Variants in CTNNA3 observed in about 807,000 individuals in gnomAD.
CTNNA3 encodes the protein catenin alpha 3.
In CTNNA3, 76 loss-of-function variants were observed where a neutral mutation model predicts 95.7. That is an observed-to-expected ratio of 0.79 (90% CI 0.66 to 0.96). The LOEUF (loss-of-function observed/expected upper bound fraction) is 0.96. Ranked by LOEUF, CTNNA3 falls within the 40% of genes least tolerant of loss-of-function variation. The pLI, the probability that CTNNA3 is intolerant of heterozygous loss-of-function variation, is 0.00. For synonymous variants in CTNNA3, 431 were observed against 374.4 expected (o/e 1.15, Z -1.74); for missense variants, 1,191 against 1,089.8 (o/e 1.09, Z -1.31).
intron 2 of CTNNA3, among the ~76,000 whole-genome samples, chr10:67,609,220 A>G (rs1472951191): frequency 6.6e-6 from 1 of 152,176 alleles, no homozygotes; most frequent in Non-Finnish European, 1.5e-5. Context: ...AAGGAAAAAA[A>G]CAACTTGTAT....
chr10:66,547,083 A>G (rs1176779980), intron 10 of CTNNA3, among the ~76,000 whole-genome samples: 1 of 152,072 alleles, frequency 6.6e-6, no homozygotes, highest in Non-Finnish European at 1.5e-5. Context: ...CACTGATTGA[A>G]CAGCTACTCT....
chr10:67,295,012 G>A (rs1839979422), intron 5 of CTNNA3, among the ~76,000 whole-genome samples: 1 of 152,106 alleles, frequency 6.6e-6, no homozygotes, highest in Non-Finnish European at 1.5e-5. Flanking sequence ...TGAATTAAAT[G>A]CCTTCAACAA....
At chr10:66,755,373 GTGATAGTTGCACAA>G (rs986161524) in intron 9 of CTNNA3, among the ~76,000 whole-genome samples, 2 of 152,058 alleles carry the variant, frequency 1.3e-5, no homozygotes, top group Non-Finnish European at 2.9e-5. Context: ...ATTGATTGTA[GTGATAGTTGCACAA>G]CTCTGTGGAA....
chr10:66,838,008 G>A (rs1842936714), intron 7 of CTNNA3, among the ~76,000 whole-genome samples: 1 of 152,052 alleles, frequency 6.6e-6, no homozygotes, highest in South Asian at 2.1e-4. Context: ...AATCTGAAGA[G>A]TCTTCATTAT....
At chr10:67,711,666 C>A (rs1352050257) in intron 1 of CTNNA3, among the ~76,000 whole-genome samples, 1 of 151,770 alleles carries the variant, frequency 6.6e-6, no homozygotes, top group African/African-American at 2.4e-5. Flanking sequence ...ATGTGCCATG[C>A]TGGTGCGCTG....
At chr10:67,429,558 G>C (rs1463813075) in intron 5 of CTNNA3, among the ~76,000 whole-genome samples, 1 of 151,974 alleles carries the variant, frequency 6.6e-6, no homozygotes, top group African/African-American at 2.4e-5. Context: ...GTAGAACTCA[G>C]CAACATTCCA....
intron 13 of CTNNA3, among the ~76,000 whole-genome samples, chr10:66,128,969 C>CAA (rs548146984): frequency 4.1e-5 from 6 of 147,344 alleles, no homozygotes; most frequent in African/African-American, 1.2e-4. Flanking sequence ...AAACAAAAAA[C>CAA]AAAAAAAAAA....
intron 7 of CTNNA3, among the ~76,000 whole-genome samples, chr10:66,851,813 T>C (rs574527662): frequency 2.6e-5 from 4 of 152,158 alleles, no homozygotes; most frequent in Non-Finnish European, 4.4e-5. Context: ...CTCTTTTCTT[T>C]ATAAATTACC....
At chr10:67,172,430 A>C (rs1032156302) in intron 7 of CTNNA3, among the ~76,000 whole-genome samples, 1 of 152,218 alleles carries the variant, frequency 6.6e-6, no homozygotes, top group African/African-American at 2.4e-5. Context: ...TTTACAGTTT[A>C]GCTATCTGTT....
chr10:67,577,718 G>A (rs941654456), intron 3 of CTNNA3, among the ~76,000 whole-genome samples: 7 of 150,368 alleles, frequency 4.7e-5, no homozygotes, highest in Admixed American at 3.3e-4. Flanking sequence ...GTGTGTGTGT[G>A]TGTGTATATA....
At chr10:67,619,129 CT>C (rs1843748312) in intron 2 of CTNNA3, among the ~76,000 whole-genome samples, 1 of 152,182 alleles carries the variant, frequency 6.6e-6, no homozygotes, top group African/African-American at 2.4e-5. Context: ...CATTGATCAT[CT>C]TTGAGTTTCA....
At chr10:67,703,115 G>C (rs979429665) in intron 1 of CTNNA3, among the ~76,000 whole-genome samples, 4 of 152,218 alleles carry the variant, frequency 2.6e-5, no homozygotes, top group African/African-American at 9.7e-5. Flanking sequence ...AACAGGCTCT[G>C]AAATTGTGGC....
chr10:65,954,564 T>A (rs1472438175), intron 17 of CTNNA3, among the ~76,000 whole-genome samples: 1 of 152,212 alleles, frequency 6.6e-6, no homozygotes, highest in Admixed American at 6.5e-5. Context: ...AATTTTTGTA[T>A]AAGGTGTAAG....
intron 15 of CTNNA3, among the ~76,000 whole-genome samples, chr10:66,067,924 AT>A (rs1293839391): frequency 6.6e-6 from 1 of 152,182 alleles, no homozygotes; most frequent in Non-Finnish European, 1.5e-5. Flanking sequence ...TCAAAAAAAA[AT>A]AAAAAGTTTA....
chr10:66,810,751 A>G (rs1841843990), intron 7 of CTNNA3, among the ~76,000 whole-genome samples: 1 of 152,182 alleles, frequency 6.6e-6, no homozygotes, highest in African/African-American at 2.4e-5. Context: ...GTGGTCTTCA[A>G]TGCCCCTCTG....
chr10:66,773,869 T>G (rs1297291569), intron 8 of CTNNA3, among the ~76,000 whole-genome samples: 3 of 152,170 alleles, frequency 2.0e-5, no homozygotes, highest in African/African-American at 7.2e-5. Flanking sequence ...CAAGTAGGAT[T>G]GCAATATAAA....
chr10:67,651,018 A>G (rs931518862), intron 1 of CTNNA3, among the ~76,000 whole-genome samples: 1 of 152,076 alleles, frequency 6.6e-6, no homozygotes, highest in African/African-American at 2.4e-5. Context: ...TCCTCTTAGT[A>G]AAACTACAAT....
intron 10 of CTNNA3, among the ~76,000 whole-genome samples, chr10:66,584,291 A>G (rs1327422731): frequency 1.3e-5 from 2 of 151,846 alleles, no homozygotes; most frequent in Non-Finnish European, 2.9e-5. Flanking sequence ...GATGACTCCC[A>G]CTATTATTGT....
chr10:66,923,117 A>T (rs2132607411), intron 7 of CTNNA3, among the ~76,000 whole-genome samples: 1 of 152,038 alleles, frequency 6.6e-6, no homozygotes, highest in East Asian at 1.9e-4. Flanking sequence ...TAATCATAAG[A>T]TCCAAAGGGT....
Sources: gnomAD v4.1 joint callset for allele counts (sites outside exome capture counted in the v4.1 genomes callset) on GRCh38, gnomAD v4.1.1 for gene constraint, MANE v1.5 for transcripts, NCBI Gene and HGNC (gene_info 2026-07-23, HGNC 2026-07-21) for gene names.